CUBN: variants seen among roughly 807,000 people sequenced by gnomAD.
CUBN encodes the protein 460 kDa receptor.
Under a neutral mutation model 405.3 loss-of-function variants are expected in CUBN, and 282 were observed. The observed-to-expected ratio is 0.70, with a 90% confidence interval of 0.63 to 0.77. The LOEUF (loss-of-function observed/expected upper bound fraction) is 0.77, where lower values mean the gene tolerates loss of function less well. Among genes scored for constraint, CUBN ranks in the 30% least tolerant of loss-of-function variants. The pLI, the probability that CUBN is intolerant of heterozygous loss-of-function variation, is 0.00. For synonymous variants in CUBN, 1,684 were observed against 1,617.0 expected (o/e 1.04, Z -0.99); for missense variants, 4,514 against 4,475.2 (o/e 1.01, Z -0.25).
At chr10:16,997,439 A>AG (rs1375975427) in intron 28 of CUBN, among the ~76,000 whole-genome samples, 2 of 151,430 alleles carry the variant, frequency 1.3e-5, no homozygotes, top group Admixed American at 1.3e-4. Flanking sequence ...ATCTAAAAAA[A>AG]AAAAAAAAAA....
chr10:17,024,072 T>C (rs1834585268), intron 27 of CUBN, among the ~76,000 whole-genome samples: 1 of 151,206 alleles, frequency 6.6e-6, no homozygotes, highest in Admixed American at 6.6e-5. Context: ...AGTTTCTACT[T>C]CCTTTGTGCG....
At chr10:16,889,935 C>CAAAACAAAAAAA (rs1840944414) in intron 55 of CUBN, among the ~76,000 whole-genome samples, 1 of 19,902 alleles carries the variant, frequency 5.0e-5, no homozygotes, top group Non-Finnish European at 1.0e-4. Context: ...GACGCCGTGT[C>CAAAACAAAAAAA]AAAAAAAAAA....
chr10:16,990,389 G>C lies in CUBN; in HGVS notation c.4295C>G (p.Thr1432Ser). Residue 1432 changes from threonine to serine, a missense_variant, in exon 29 of 67, where the codon ACC (threonine) becomes AGC (serine). Physicochemically the swap from Thr to Ser is moderately conservative, Grantham distance 58. Transcript: ENST00000377833. Reference protein sequence around the residue: ...RTDPGSSIQLTIHDFDVEYHS... With the variant: ...RTDPGSSIQLSIHDFDVEYHS... ...ATACTCCACATCGAAGTCATGGATG[G>C]TGAGCTGAATGCTACTCCCGGGGTC... The C allele has an allele frequency of 6.2e-7, 1 of 1,614,178 alleles. No homozygotes were observed. Among genetic ancestry groups the C allele is most frequent in the East Asian group, 2.2e-5 (1 of 44,884 alleles).
intron 11 of CUBN, among the ~76,000 whole-genome samples, chr10:17,105,027 C>A (rs1468813827): frequency 4.0e-5 from 6 of 151,816 alleles, no homozygotes; most frequent in Admixed American, 3.9e-4. Flanking sequence ...TGGTCTTGAT[C>A]TCCTGGCTCG....
At chr10:16,937,470 T>C (rs1052052673) in intron 39 of CUBN, 122 bp downstream of exon 39, 4 of 761,102 alleles carry the variant, frequency 5.3e-6, no homozygotes, top group South Asian at 4.8e-5. Flanking sequence ...TCTGAACATA[T>C]GGTGGAAGGG....
chr10:16,851,236 T>G lies in CUBN; in HGVS notation c.9662A>C (p.Lys3221Thr). Residue 3221 changes from lysine to threonine, a missense_variant and splice_region_variant, in exon 60 of 67, where the codon AAG (lysine) becomes ACG (threonine). This residue lies in a region of CUBN where 1,186 missense variants were observed against 1,186.9 expected (regional missense o/e 1.00). Coordinates refer to ENST00000377833, the MANE Select transcript of CUBN (RefSeq NM_001081.4). ...TRQRCLYDYV[K>T]LYDGDSENAN... is the part of the protein sequence containing the mutation. Reference sequence around the variant, plus strand: ...GTTAAAAAAATAAAACAGCCTTACCTTTACATAATCATAAAGGCATCTTTG... The same window carrying G: ...GTTAAAAAAATAAAACAGCCTTACCGTTACATAATCATAAAGGCATCTTTG... 1 of 1,611,098 alleles carries G rather than the reference T, an allele frequency of 6.2e-7. No homozygotes were observed. The highest frequency in any genetic ancestry group is 8.5e-7 in the Non-Finnish European group (1 of 1,177,524).
At chr10:17,066,160 C>T (rs1835610308) in intron 21 of CUBN, among the ~76,000 whole-genome samples, 2 of 152,086 alleles carry the variant, frequency 1.3e-5, no homozygotes, top group South Asian at 4.2e-4. Flanking sequence ...CAATCGTAAC[C>T]CCTATAGAGG....
intron 59 of CUBN, among the ~76,000 whole-genome samples, chr10:16,857,550 A>AAAAAAAT (rs1839897199): frequency 6.6e-6 from 1 of 152,208 alleles, no homozygotes; most frequent in African/African-American, 2.4e-5. Flanking sequence ...CTTGGAAATT[A>AAAAAAAT]AAAAAATAAT....
At chr10:17,085,949 C>A (rs1177934341) in intron 15 of CUBN, among the ~76,000 whole-genome samples, 190 bp from the exon 16 acceptor site, 1 of 150,884 alleles carries the variant, frequency 6.6e-6, no homozygotes, top group Non-Finnish European at 1.5e-5. Flanking sequence ...CACCCCAATG[C>A]CTTCTCTCTG....
At chr10:16,915,364 A>G (rs1841854280) in intron 46 of CUBN, among the ~76,000 whole-genome samples, 192 bp from the exon 47 acceptor site, 1 of 152,238 alleles carries the variant, frequency 6.6e-6, no homozygotes, top group South Asian at 2.1e-4. Flanking sequence ...AAGAAGTGAA[A>G]AAAATGCAAC....
intron 31 of CUBN, among the ~76,000 whole-genome samples, chr10:16,975,566 TG>T (rs1330353995): frequency 1.3e-5 from 2 of 151,018 alleles, no homozygotes; most frequent in African/African-American, 2.4e-5. Flanking sequence ...ATACCCACCA[TG>T]GTCAAAACTA....
At chr10:16,867,177 C>T (rs1327077215) in intron 59 of CUBN, among the ~76,000 whole-genome samples, 1 of 152,188 alleles carries the variant, frequency 6.6e-6, no homozygotes, top group Non-Finnish European at 1.5e-5. Flanking sequence ...GTTTTCCAGG[C>T]TGAGCAAACA....
intron 43 of CUBN, among the ~76,000 whole-genome samples, chr10:16,920,406 A>G (rs1298154188): frequency 6.6e-6 from 1 of 152,232 alleles, no homozygotes; most frequent in Non-Finnish European, 1.5e-5. Context: ...ATTATGGCAC[A>G]TGGTGCACGG....
intron 59 of CUBN, among the ~76,000 whole-genome samples, chr10:16,869,118 C>G (rs917203296): frequency 1.3e-5 from 2 of 151,078 alleles, no homozygotes; most frequent in Non-Finnish European, 2.9e-5. Flanking sequence ...TCTTCCTTCC[C>G]ATGTTGTAGG....
intron 14 of CUBN, among the ~76,000 whole-genome samples, chr10:17,091,908 G>A (rs1395870336): frequency 1.3e-5 from 2 of 152,112 alleles, no homozygotes; most frequent in East Asian, 1.9e-4. Flanking sequence ...TTTGAACAAT[G>A]GGCCACTCTG....
Position 17,068,092 on chromosome 10 carries a change from C to T in CUBN, c.2980G>A (p.Asp994Asn). Residue 994 changes from aspartate (D) to asparagine (N), a missense_variant, in exon 21 of 67, where the codon GAC becomes AAC. Transcript: ENST00000377833. ...NCTNDYLEVY[D>N]TDSETSLGRY... is the part of the protein sequence containing the mutation. ...CCAAGGGATGTCTCAGAGTCGGTGTCATAAACTTCCAAGTAGTCGTTTGTG... is the reference window on the plus strand; with the variant it reads ...CCAAGGGATGTCTCAGAGTCGGTGTTATAAACTTCCAAGTAGTCGTTTGTG... The T allele has an allele frequency of 6.2e-7, 1 of 1,613,220 alleles. No homozygotes were observed. The highest frequency in any genetic ancestry group is 1.3e-5 in the African/African-American group (1 of 74,980).
intron 3 of CUBN, among the ~76,000 whole-genome samples, chr10:17,127,464 G>T (rs529675194): frequency 2.2e-5 from 3 of 134,322 alleles, no homozygotes; most frequent in Admixed American, 8.2e-5. Context: ...TGGTAGAGAC[G>T]GAGTCTCACT....
rs778869085 is a variant in CUBN, at chr10:16,853,854, G to A, written c.9455-2411C>T. ...AAACCACTTAAGCTTATTGGCATGC[G>A]TAGCACAGAAGAACGATGACTGAGG... is the stretch of plus-strand genomic sequence containing the variant. On this transcript the variant is annotated intron_variant, in intron 59 of 66. Transcript: ENST00000377833. Among the ~76,000 whole-genome samples, 34 of 152,258 alleles carry A rather than the reference G, an allele frequency of 2.2e-4. 1 individual carries two copies. Among genetic ancestry groups the A allele is most frequent in the African/African-American group, 3.6e-4 (15 of 41,526 alleles).
intron 54 of CUBN, among the ~76,000 whole-genome samples, chr10:16,895,783 G>T (rs1000225412): frequency 7.9e-5 from 12 of 152,100 alleles, no homozygotes; most frequent in African/African-American, 2.7e-4. Context: ...CTACGTGGTT[G>T]AATTGGAAAT....
Sources: allele counts gnomAD v4.1 joint callset (sites outside exome capture counted in the v4.1 genomes callset), GRCh38; gene constraint gnomAD v4.1.1; regional missense constraint gnomAD v4.1.1; transcripts MANE v1.5; gene names NCBI Gene and HGNC (gene_info 2026-07-23, HGNC 2026-07-21).